Variants in PRR19 observed in about 807,000 individuals in gnomAD.
The protein encoded by PRR19 is proline-rich protein 19.
PRR19 carries 9 observed loss-of-function variants against 19.2 expected under a neutral mutation model. The observed-to-expected ratio is 0.47, with a 90% CI of 0.28 to 0.82. The LOEUF (loss-of-function observed/expected upper bound fraction) is 0.82, where lower values mean the gene tolerates loss of function less well. Ranked by LOEUF, PRR19 falls within the 40% of genes least tolerant of loss-of-function variation. The pLI, the probability that PRR19 is intolerant of heterozygous loss-of-function variation, is 0.11. For synonymous variants in PRR19, 190 were observed against 191.0 expected, an observed-to-expected ratio of 0.99 and a Z score of 0.04; for missense variants, 457 against 466.0, an observed-to-expected ratio of 0.98 and a Z score of 0.18.
At position 42,310,202 on chromosome 19, in the gene PRR19, C is replaced by A. The variant is rs1276161028; in HGVS notation, c.601+17C>A. 1.9e-6 allele frequency: 3 copies of A among 1,613,894 alleles called. No homozygotes were observed. The highest frequency in any genetic ancestry group is 1.6e-4 in the Middle Eastern group (1 of 6,062). ...CCTTGCCAGGTGAGCGTCCCTCCTG[C>A]CCCTGTACTCCCCTTTCCTTTGTCG... On this transcript the variant is annotated intron_variant, in intron 2 of 2. Transcript: ENST00000341747.
At chr19:42,302,568 C>G in intron 1 of PRR19, 65 bp downstream of exon 1, 1 of 444,878 alleles carries the variant, frequency 2.2e-6, no homozygotes, top group South Asian at 3.1e-5. Context: ...CCCGGCGCTT[C>G]CCGCTCGGGC....
In PRR19 at chr19:42,309,925, A is replaced by G; in HGVS notation, c.341A>G (p.Gln114Arg). Residue 114 changes from glutamine to arginine, a missense_variant, in exon 2 of 3, where the codon CAG (glutamine) becomes CGG (arginine). Physicochemically the swap from Gln to Arg is conservative, Grantham distance 43. Transcript: ENST00000341747. ...CCCTCCCCAAGCCCAGGCAGGGCCC[A>G]GGAACCAGCCCCACGGTCCAGGGAC... ...AKPSPSPGRA[Q>R]EPAPRSRDKE... The G allele has an allele frequency of 6.2e-7, 1 of 1,613,864 alleles. No homozygotes were observed. Among genetic ancestry groups the G allele is most frequent in the Non-Finnish European group, 8.5e-7 (1 of 1,179,910 alleles).
chr19:42,304,244 G>GC (rs2038682017), intron 1 of PRR19, among the ~76,000 whole-genome samples: 1 of 152,046 alleles, frequency 6.6e-6, no homozygotes, highest in Admixed American at 6.5e-5. Flanking sequence ...TCGCGCCACT[G>GC]CAGCCCAGCC....
intron 1 of PRR19, chr19:42,307,049 G>C (rs2038715425): frequency 6.6e-6 from 1 of 152,226 alleles, no homozygotes; most frequent in Non-Finnish European, 1.5e-5. Flanking sequence ...AGTGGGAAGG[G>C]CCGGGGTTCG....
At chr19:42,309,421 C>A in intron 1 of PRR19, 158 bp from the exon 2 acceptor site, 2 of 569,612 alleles carry the variant, frequency 3.5e-6, no homozygotes, top group South Asian at 6.7e-5. Flanking sequence ...GTTGGCTAGG[C>A]TGGTCTAAAG....
chr19:42,307,869 TGCCTCA>T (rs2038731502), intron 1 of PRR19, among the ~76,000 whole-genome samples: 1 of 148,314 alleles, frequency 6.7e-6, no homozygotes, highest in Non-Finnish European at 1.5e-5. Context: ...GCCATTCTCC[TGCCTCA>T]GCCTCCCGAG....
chr19:42,307,214 C>T (rs1159202583), intron 1 of PRR19: 1 of 152,424 alleles, frequency 6.6e-6, no homozygotes. Context: ...CCTGATCGCG[C>T]CTCTGTCTCC....
chr19:42,302,674 C>T (rs2038657645), intron 1 of PRR19, 171 bp downstream of exon 1: 2 of 286,860 alleles, frequency 7.0e-6, no homozygotes, highest in African/African-American at 4.4e-5. Context: ...AAACCACCCA[C>T]CGGTCACGGG....
Position 42,310,017 on chromosome 19 carries a change from G to GGGCAGCTGCT in PRR19, c.439_448dup (p.Glu150AlafsTer41). The GGGCAGCTGCT allele has an allele frequency of 6.2e-7, 1 of 1,614,010 alleles. No individual in the cohort carries two copies. Among genetic ancestry groups the GGGCAGCTGCT allele is most frequent in the Non-Finnish European group, 8.5e-7 (1 of 1,180,038 alleles). On this transcript the variant is annotated frameshift_variant, in exon 2 of 3. Transcript: ENST00000341747. LOFTEE classifies it high-confidence loss of function. The stretch of plus-strand genomic sequence containing the variant: ...CAGTTCCCCAGAGTTGTCTGGCGTG[G>GGGCAGCTGCT]GGCAGCTGCTGGCAGAGCTGCAGTG...
Position 42,310,593 on chromosome 19 carries a change from C to G in PRR19, c.924C>G (p.Pro308=). The change falls in exon 3 of 3, where the codon CCC becomes CCG. Residue 308 remains proline, a synonymous_variant. Transcript: ENST00000341747. ...PRPWGVGLPQ[P]LPQPSSPLLP... is the part of the protein sequence containing the mutation. ...CCTGGGGGGTTGGCCTCCCTCAGCCCCTGCCTCAGCCTTCATCACCCCTGT... is the reference window on the plus strand; with the variant it reads ...CCTGGGGGGTTGGCCTCCCTCAGCCGCTGCCTCAGCCTTCATCACCCCTGT... 6.2e-7 allele frequency: 1 copy of G among 1,614,130 alleles called. No homozygotes were observed. The highest frequency in any genetic ancestry group is 8.5e-7 in the Non-Finnish European group (1 of 1,180,012).
Position 42,302,215 on chromosome 19 carries a change from C to T in PRR19, c.-295C>T. The T allele has an allele frequency of 6.3e-7, 1 of 1,580,126 alleles. No individual in the cohort carries two copies. Among genetic ancestry groups the T allele is most frequent in the Non-Finnish European group, 8.6e-7 (1 of 1,162,892 alleles). ...CGCGCCCCCGGACTCCTCAATATCC[C>T]AGGTGGGAACGCTCACCAGGGACAT... On this transcript the variant is annotated 5_prime_UTR_variant, in exon 1 of 3. Transcript: ENST00000341747.
rs767085409 is a variant in PRR19 at position 42,310,382 on chromosome 19, C to G, written c.713C>G (p.Thr238Ser). The G allele has an allele frequency of 6.2e-7, 1 of 1,614,046 alleles. No homozygotes were observed. The highest frequency in any genetic ancestry group is 1.3e-5 in the African/African-American group (1 of 74,920). Residue 238 changes from threonine to serine, a missense_variant, in exon 3 of 3, where the codon ACC (threonine) becomes AGC (serine). Coordinates refer to ENST00000341747, the MANE Select transcript of PRR19 (RefSeq NM_199285.3). ...AAGCAACAAGGGACAAAGGAGTTCA[C>G]CTTCCCCATGCCCTACACCTCCAGC... ...QRKQQGTKEF[T>S]FPMPYTSSMP...
Position 42,309,578 on chromosome 19 carries a change from G to A in PRR19, c.-6-1G>A. The A allele has an allele frequency of 2.0e-6, 3 of 1,515,488 alleles. No homozygotes were observed. Among genetic ancestry groups the A allele is most frequent in the Middle Eastern group, 1.8e-4 (1 of 5,586 alleles). The allele number at this position is 1,515,488 out of a possible 1,614,324, so 93.9% of individuals were successfully genotyped here. On this transcript the variant is annotated splice_acceptor_variant, in intron 1 of 2. Transcript: ENST00000341747. LOFTEE classifies it low-confidence loss of function (5UTR_SPLICE). ...ATGGCCACCCTATCTTTATATTCCA[G>A]GACACCATGGATACCCAGGGACCAG...
intron 1 of PRR19, among the ~76,000 whole-genome samples, chr19:42,303,953 G>A (rs1417737423): frequency 2.0e-5 from 3 of 152,090 alleles, no homozygotes; most frequent in African/African-American, 7.2e-5. Context: ...TTCTTATTAG[G>A]TTTGGGGAAT....
chr19:42,310,520 A>C lies in PRR19; in HGVS notation c.851A>C (p.Asp284Ala). Reference protein sequence around the residue: ...GTAWGPPTAFDLLKSIWLVAT... With the variant: ...GTAWGPPTAFALLKSIWLVAT... The stretch of plus-strand genomic sequence containing the variant: ...GCCTGGGGTCCCCCAACAGCGTTTG[A>C]CTTGTTAAAAAGCATCTGGCTGGTA... The change falls in exon 3 of 3, where the codon GAC (aspartate) becomes GCC (alanine). Residue 284 changes from aspartate (D) to alanine (A), a missense_variant. Transcript: ENST00000341747. 6.2e-7 allele frequency: 1 copy of C among 1,614,066 alleles called. No individual in the cohort carries two copies. The highest frequency in any genetic ancestry group is 1.3e-5 in the African/African-American group (1 of 74,994).
Position 42,310,636 on chromosome 19 carries a change from C to T in PRR19, c.967C>T (p.Leu323=), listed in dbSNP as rs1036463829. Residue 323 remains leucine (L), a synonymous_variant, in exon 3 of 3, where the codon CTG becomes TTG. Transcript: ENST00000341747. The part of the protein sequence containing the change: ...SSPLLPRTSV[L]DWSPSPPSPL... ...ACCCCTGTTGCCCCGAACCTCTGTC[C>T]TGGACTGGAGCCCCAGCCCCCCTTC... 1.2e-6 allele frequency: 2 copies of T among 1,613,786 alleles called. No homozygotes were observed. Among genetic ancestry groups the T allele is most frequent in the African/African-American group, 1.3e-5 (1 of 75,052 alleles).
At chr19:42,303,951 A>C in intron 1 of PRR19, among the ~76,000 whole-genome samples, 1 of 152,084 alleles carries the variant, frequency 6.6e-6, no homozygotes. Flanking sequence ...CTTTCTTATT[A>C]GGTTTGGGGA....
chr19:42,309,472 G>A (rs984628557), intron 1 of PRR19, 107 bp from the exon 2 acceptor site: 5 of 815,610 alleles, frequency 6.1e-6, no homozygotes, highest in Non-Finnish European at 7.9e-6. Context: ...GCCTACCCCA[G>A]TGTTGGTATT....
At chr19:42,305,123 C>T (rs1193350663) in intron 1 of PRR19, among the ~76,000 whole-genome samples, 6 of 150,500 alleles carry the variant, frequency 4.0e-5, no homozygotes, top group Admixed American at 4.0e-4. Flanking sequence ...GCAGGAGAAT[C>T]GCTTGAACCC....
Sources: gnomAD v4.1 joint callset for allele counts (sites outside exome capture counted in the v4.1 genomes callset) on GRCh38, gnomAD v4.1.1 for gene constraint, MANE v1.5 for transcripts, NCBI Gene and HGNC (gene_info 2026-07-23, HGNC 2026-07-21) for gene names.